Variants in PITPNA observed in about 807,000 individuals in gnomAD.
PITPNA encodes the protein phosphatidylinositol transfer protein alpha.
In PITPNA, 13 loss-of-function variants were observed where a neutral mutation model predicts 50.3. That is an observed-to-expected ratio of 0.26 (90% CI 0.17 to 0.41). The LOEUF (loss-of-function observed/expected upper bound fraction) is 0.41, where lower values mean the gene tolerates loss of function less well. Among genes scored for constraint, PITPNA ranks in the 10% least tolerant of loss-of-function variants. The pLI is 1.00. For missense variants in PITPNA, 207 were observed against 333.4 expected, an observed-to-expected ratio of 0.62 and a Z score of 2.95; for synonymous variants, 120 against 119.6, an observed-to-expected ratio of 1.00 and a Z score of -0.02.
chr17:1,562,408 G>A lies in PITPNA; in HGVS notation c.20+133C>T. 1 of 657,736 alleles carries A rather than the reference G, an allele frequency of 1.5e-6. No homozygotes were observed. The highest frequency in any genetic ancestry group is 2.2e-6 in the Non-Finnish European group (1 of 456,082). 40.7% of individuals were successfully genotyped at this position (657,736 alleles called of 1,614,324 possible). A position where few individuals can be genotyped will look rare whatever the true frequency, so the allele number is the denominator to read the frequency against. ...CCCGGATCCCCTCCATCCCCGCTGGGCCCGCCTCAGGCACCCTCCGTCCCT... is the reference window on the plus strand; with the variant it reads ...CCCGGATCCCCTCCATCCCCGCTGGACCCGCCTCAGGCACCCTCCGTCCCT... On this transcript the variant is annotated intron_variant, in intron 1 of 11. Coordinates refer to ENST00000313486, the MANE Select transcript of PITPNA (RefSeq NM_006224.4). This position sits in a 1 kb window ranked among gnomAD's most constrained non-coding sequence, Gnocchi z 6.4.
intron 4 of PITPNA, among the ~76,000 whole-genome samples, chr17:1,544,267 G>C (rs2151009858): frequency 6.6e-6 from 1 of 152,358 alleles, no homozygotes; most frequent in South Asian, 2.1e-4. Flanking sequence ...GAATCCACAA[G>C]AAAAGAATGC....
intron 3 of PITPNA, among the ~76,000 whole-genome samples, chr17:1,548,994 A>G (rs73296998): frequency 2.6e-5 from 4 of 151,974 alleles, no homozygotes; most frequent in African/African-American, 7.2e-5. Context: ...CTCCACCTCC[A>G]GGGTCCCAGT....
At chr17:1,541,687 G>C (rs755133933) in intron 5 of PITPNA, 47 bp from the exon 6 acceptor site, 17 of 1,228,306 alleles carry the variant, frequency 1.4e-5, no homozygotes, top group Non-Finnish European at 2.0e-5. Context: ...GTTCACAGTT[G>C]AGAGTAACCA....
Position 1,547,582 on chromosome 17 carries a change from G to A in PITPNA, c.289+714C>T, listed in dbSNP as rs527367519. 3.9e-5 allele frequency among the ~76,000 whole-genome samples: 6 copies of A among 152,040 alleles called. No homozygotes were observed. The South Asian group carries it at 6.2e-4, about 16-fold the overall frequency. On this transcript the variant is annotated intron_variant, in intron 4 of 11. Transcript: ENST00000313486. ...CGAGAATCGCTTGAACCCAGGAGGC[G>A]GAGTTTGCAGTGAGCCAAGATTGTG...
intron 10 of PITPNA, 136 bp from the exon 11 acceptor site, chr17:1,521,781 A>G (rs1449531037): frequency 1.0e-5 from 7 of 702,320 alleles, no homozygotes; most frequent in Non-Finnish European, 1.8e-5. Context: ...AGAATTCTGC[A>G]TATGGACTCG....
At chr17:1,560,130 T>C (rs971536640) in intron 1 of PITPNA, among the ~76,000 whole-genome samples, 2 of 152,178 alleles carry the variant, frequency 1.3e-5, no homozygotes, top group South Asian at 4.2e-4. Context: ...GGGAACCAAG[T>C]CTCACCCCAA....
chr17:1,541,461 C>G, intron 6 of PITPNA, 105 bp downstream of exon 6: 1 of 814,170 alleles, frequency 1.2e-6, no homozygotes, highest in South Asian at 1.4e-5. Context: ...GCCTTCCCGG[C>G]CAGGCAAAAG....
intron 3 of PITPNA, among the ~76,000 whole-genome samples, chr17:1,550,144 C>G (rs996440423): frequency 6.6e-6 from 1 of 152,152 alleles, no homozygotes; most frequent in Non-Finnish European, 1.5e-5. Flanking sequence ...CCCATTCAGG[C>G]GAGTATTTCT....
intron 2 of PITPNA, among the ~76,000 whole-genome samples, chr17:1,555,811 C>A (rs1472543980): frequency 6.6e-6 from 1 of 152,230 alleles, no homozygotes; most frequent in Non-Finnish European, 1.5e-5. Context: ...TGCCAGGAAG[C>A]ACTGGTGGAC....
chr17:1,554,831 G>A (rs1890199515), intron 2 of PITPNA, among the ~76,000 whole-genome samples: 1 of 152,114 alleles, frequency 6.6e-6, no homozygotes, highest in South Asian at 2.1e-4. Context: ...GGCAGCAATC[G>A]AGGCTCAGTG....
chr17:1,527,000 C>G (rs2075551842), intron 10 of PITPNA, among the ~76,000 whole-genome samples: 1 of 152,096 alleles, frequency 6.6e-6, no homozygotes, highest in Non-Finnish European at 1.5e-5. Context: ...TCAGATGATC[C>G]ACCTGCCTCA....
intron 4 of PITPNA, 33 bp from the exon 5 acceptor site, chr17:1,543,060 G>GA (rs1291038535): frequency 1.9e-6 from 3 of 1,551,260 alleles, no homozygotes; most frequent in Non-Finnish European, 2.6e-6. Context: ...AAAGAAGAGA[G>GA]AAAAAGATTA....
intron 10 of PITPNA, among the ~76,000 whole-genome samples, chr17:1,529,465 T>G (rs1654127306): frequency 6.6e-6 from 1 of 151,740 alleles, no homozygotes; most frequent in African/African-American, 2.4e-5. Context: ...GAGGTTGCTG[T>G]GAGCTGACAT....
intron 10 of PITPNA, among the ~76,000 whole-genome samples, chr17:1,530,725 T>C (rs1428023456): frequency 1.3e-5 from 2 of 152,090 alleles, no homozygotes; most frequent in Non-Finnish European, 2.9e-5. Flanking sequence ...AGATAAAAAC[T>C]ATGAAGACAA....
intron 6 of PITPNA, among the ~76,000 whole-genome samples, chr17:1,540,906 T>G (rs1446430294): frequency 6.6e-6 from 1 of 152,146 alleles, no homozygotes; most frequent in Non-Finnish European, 1.5e-5. Flanking sequence ...TATGTTGTTT[T>G]TTTGTTTTTG....
rs138304336 is a variant in PITPNA at position 1,522,418 on chromosome 17, G to T, written c.769-773C>A. 3.4e-3 allele frequency among the ~76,000 whole-genome samples: 518 copies of T among 151,856 alleles called. 1 individual carries two copies. Among genetic ancestry groups the T allele is most frequent in the African/African-American group, 0.012 (487 of 41,424 alleles). On this transcript the variant is annotated intron_variant, in intron 10 of 11. Coordinates refer to ENST00000313486, the MANE Select transcript of PITPNA (RefSeq NM_006224.4). ...TGAGGAGTCTTGCTCTGTCGCCCAG[G>T]CTGGAGTGCAGTGGCGCAAAGTTGG...
chr17:1,558,131 T>A (rs941726236), intron 2 of PITPNA, among the ~76,000 whole-genome samples: 1 of 148,910 alleles, frequency 6.7e-6, no homozygotes, highest in Non-Finnish European at 1.5e-5. Flanking sequence ...CTTGGGAGGC[T>A]GAGGCAGGAG....
chr17:1,534,280 TTC>T, intron 9 of PITPNA, 59 bp from the exon 10 acceptor site: 1 of 1,607,184 alleles, frequency 6.2e-7, no homozygotes, highest in African/African-American at 1.3e-5. Flanking sequence ...GCCACAGCCC[TTC>T]TCTCCATGCA....
chr17:1,548,254 T>G (rs772651804), intron 4 of PITPNA, 42 bp downstream of exon 4: 2 of 1,356,264 alleles, frequency 1.5e-6, no homozygotes, highest in South Asian at 2.4e-5. Flanking sequence ...ACAGCTCTGC[T>G]GCCCGCCCCT....
Sources: gnomAD v4.1 joint callset for allele counts (sites outside exome capture counted in the v4.1 genomes callset) on GRCh38, gnomAD v4.1.1 for gene constraint, Gnocchi (gnomAD v3.1) non-coding constraint, MANE v1.5 for transcripts, NCBI Gene and HGNC (gene_info 2026-07-23, HGNC 2026-07-21) for gene names.